The following SELENOS variants were observed in gnomAD, a reference collection of about 807,000 sequenced individuals.
SELENOS encodes VCP interacting membrane selenoprotein.
In SELENOS, 37 loss-of-function variants were observed where a neutral mutation model predicts 30.2. The ratio of observed to expected loss-of-function variants is 1.23; its 90% CI spans 0.94 to 1.61. The LOEUF is 1.61. SELENOS is among the 40% of genes most tolerant of loss of function. SELENOS has a pLI of 0.00. For missense variants in SELENOS, 289 were observed against 231.8 expected, an observed-to-expected ratio of 1.25 and a Z score of -1.60; for synonymous variants, 119 against 91.6, an observed-to-expected ratio of 1.30 and a Z score of -1.71.
intron 2 of SELENOS, 26 bp from the exon 3 acceptor site, chr15:101,275,387 T>C (rs1311592871): frequency 5.9e-6 from 9 of 1,527,726 alleles, no homozygotes; most frequent in Non-Finnish European, 7.1e-6. Context: ...AAAATGGAGA[T>C]AAAGCACTGT....
At chr15:101,276,921 CA>C in intron 1 of SELENOS, 1 of 539,638 alleles carries the variant, frequency 1.9e-6, no homozygotes, top group Non-Finnish European at 3.3e-6. Flanking sequence ...GAGGGCACAG[CA>C]ACTGGGTTTT....
intron 1 of SELENOS, 81 bp downstream of exon 1, chr15:101,277,261 T>C: frequency 1.3e-6 from 2 of 1,520,626 alleles, no homozygotes; most frequent in South Asian, 1.2e-5. Flanking sequence ...CGGCGCCCGG[T>C]GCAGCGGCGG....
chr15:101,274,375 G>C, intron 5 of SELENOS, 45 bp downstream of exon 5: 9 of 1,555,150 alleles, frequency 5.8e-6, no homozygotes, highest in Non-Finnish European at 7.9e-6. Context: ...ACTATATCCT[G>C]TAAGTGTTGA....
chr15:101,277,054 G>A (rs1469805726), intron 1 of SELENOS: 1 of 616,746 alleles, frequency 1.6e-6, no homozygotes, highest in Admixed American at 2.5e-5. Flanking sequence ...GGTCCCAGAG[G>A]CAAACGCCAA....
chr15:101,277,017 G>A (rs950393079), intron 1 of SELENOS: 2 of 552,372 alleles, frequency 3.6e-6, no homozygotes, highest in Admixed American at 3.2e-5. Flanking sequence ...CGGGGAGTCA[G>A]GAGTGTGTAT....
chr15:101,275,135 T>C lies in SELENOS; in HGVS notation c.318+120A>G, dbSNP rs2039309432. On this transcript the variant is annotated intron_variant, in intron 3 of 5. Transcript: ENST00000526049. ...ACATGGTAGGAACTGAAATGCTTAT[T>C]GAATCTAATGGGATAGGACCTGGTC... 1.1e-5 allele frequency: 9 copies of C among 786,148 alleles called. No homozygotes were observed. The South Asian group carries it at 1.6e-4, about 14-fold the overall frequency. The allele number at this position is 786,148 out of a possible 1,614,324, so 48.7% of individuals were successfully genotyped here. A position where few individuals can be genotyped will look rare whatever the true frequency, so the allele number is the denominator to read the frequency against.
Position 101,276,518 on chromosome 15 carries a change from C to T in SELENOS, c.211+23G>A, listed in dbSNP as rs761167689. The T allele has an allele frequency of 6.3e-6, 10 of 1,578,146 alleles. No individual in the cohort carries two copies. The East Asian group carries it at 6.8e-5, about 11-fold the overall frequency. ...AAAGGAGGTGCAAAACCACCGCTTT[C>T]ATTTCGGTTATCAGGCACTAACCCA... On this transcript the variant is annotated intron_variant, in intron 2 of 5. Transcript: ENST00000526049.
At chr15:101,276,214 C>T (rs1490183158) in intron 2 of SELENOS, among the ~76,000 whole-genome samples, 2 of 115,122 alleles carry the variant, frequency 1.7e-5, no homozygotes, top group African/African-American at 6.8e-5. Flanking sequence ...TGAGCCACCG[C>T]GCCCCACCGA....
At position 101,277,343 on chromosome 15, in the gene SELENOS, C is replaced by G. The variant is rs1567120689; in HGVS notation, c.75G>C (p.Thr25=). ...CCCGGCTGCCCCGCAACGACTCACCCGTGGTGTGCAGGAAGCGCAGCCCCT... is the reference window on the plus strand; with the variant it reads ...CCCGGCTGCCCCGCAACGACTCACCGGTGGTGTGCAGGAAGCGCAGCCCCT... ...ETEGLRFLHT[T]VGSLLATYGW... is the part of the protein sequence containing the mutation. Residue 25 remains threonine, a splice_region_variant and synonymous_variant, in exon 1 of 6, where the codon ACG becomes ACC. Coordinates refer to ENST00000526049, the MANE Select transcript of SELENOS (RefSeq NM_018445.6). 4 of 1,516,386 alleles carry G rather than the reference C, an allele frequency of 2.6e-6. No individual in the cohort carries two copies. Among genetic ancestry groups the G allele is most frequent in the Admixed American group, 2.0e-5 (1 of 48,966 alleles). The allele number at this position is 1,516,386 out of a possible 1,614,324, so 93.9% of individuals were successfully genotyped here.
intron 2 of SELENOS, among the ~76,000 whole-genome samples, chr15:101,276,103 A>G (rs901871739): frequency 2.0e-4 from 31 of 151,810 alleles, no homozygotes; most frequent in African/African-American, 7.5e-4. Context: ...TTGTATTTTT[A>G]GTAGAGACAG....
chr15:101,272,560 T>A lies in SELENOS; in HGVS notation c.*211A>T. On this transcript the variant is annotated 3_prime_UTR_variant, in exon 6 of 6. Coordinates refer to ENST00000526049, the MANE Select transcript of SELENOS (RefSeq NM_018445.6). ...ATGAAATCAATGAATGCAATCACTG[T>A]CTCCAAGTAGAATGTGACCAATGAC... 1.9e-6 allele frequency: 1 copy of A among 514,252 alleles called. No individual in the cohort carries two copies. The highest frequency in any genetic ancestry group is 3.5e-5 in the Admixed American group (1 of 28,782). The allele number at this position is 514,252 out of a possible 1,614,324, so 31.9% of individuals were successfully genotyped here.
At chr15:101,275,158 G>T in intron 3 of SELENOS, 97 bp downstream of exon 3, 1 of 1,034,166 alleles carries the variant, frequency 9.7e-7, no homozygotes. Context: ...ATAGGACCTG[G>T]TCCTAGAAGC....
At chr15:101,274,362 G>A (rs946136469) in intron 5 of SELENOS, 58 bp downstream of exon 5, 21 of 1,519,648 alleles carry the variant, frequency 1.4e-5, no homozygotes, top group Admixed American at 5.8e-5. Flanking sequence ...TTCCTAAAAG[G>A]TAACTATATC....
At position 101,272,647 on chromosome 15, in the gene SELENOS, A is replaced by G. The variant is rs190258202; in HGVS notation, c.*124T>C. ...CTGGAGCCCTGACATATGCAGGTGT[A>G]GTTAGGAACAGAAATCAACCCCACC... On this transcript the variant is annotated 3_prime_UTR_variant, in exon 6 of 6. Coordinates refer to ENST00000526049, the MANE Select transcript of SELENOS (RefSeq NM_018445.6). 7 of 939,880 alleles carry G rather than the reference A, an allele frequency of 7.4e-6. No individual in the cohort carries two copies. Among genetic ancestry groups the G allele is most frequent in the Non-Finnish European group, 1.6e-6 (1 of 606,756 alleles). 58.2% of individuals were successfully genotyped at this position (939,880 alleles called of 1,614,324 possible). A position where few individuals can be genotyped will look rare whatever the true frequency, so the allele number is the denominator to read the frequency against.
Position 101,272,682 on chromosome 15 carries a change from C to G in SELENOS, c.*89G>C. On this transcript the variant is annotated 3_prime_UTR_variant, in exon 6 of 6. Transcript: ENST00000526049. ...AGAAATCAACCCCACCTCCCCTTGG[C>G]TAGTCACTGTGAAAAGCGTGCGTAA... 1 of 1,362,044 alleles carries G rather than the reference C, an allele frequency of 7.3e-7. No individual in the cohort carries two copies. The highest frequency in any genetic ancestry group is 2.0e-5 in the Admixed American group (1 of 50,134). The allele number at this position is 1,362,044 out of a possible 1,614,324, so 84.4% of individuals were successfully genotyped here.
At chr15:101,275,223 A>T in intron 3 of SELENOS, 32 bp downstream of exon 3, 2 of 1,509,902 alleles carry the variant, frequency 1.3e-6, no homozygotes, top group South Asian at 2.6e-5. Context: ...GACAATTTCT[A>T]TGCACACATT....
At position 101,272,648 on chromosome 15, in the gene SELENOS, G is replaced by T; in HGVS notation, c.*123C>A. 2.0e-6 allele frequency: 2 copies of T among 994,802 alleles called. No individual in the cohort carries two copies. Among genetic ancestry groups the T allele is most frequent in the Non-Finnish European group, 3.0e-6 (2 of 655,822 alleles). 61.6% of individuals were successfully genotyped at this position (994,802 alleles called of 1,614,324 possible). On this transcript the variant is annotated 3_prime_UTR_variant, in exon 6 of 6. Coordinates refer to ENST00000526049, the MANE Select transcript of SELENOS (RefSeq NM_018445.6). ...TGGAGCCCTGACATATGCAGGTGTAGTTAGGAACAGAAATCAACCCCACCT... is the reference window on the plus strand; with the variant it reads ...TGGAGCCCTGACATATGCAGGTGTATTTAGGAACAGAAATCAACCCCACCT...
intron 4 of SELENOS, 32 bp downstream of exon 4, chr15:101,274,560 C>A: frequency 6.2e-7 from 1 of 1,611,152 alleles, no homozygotes; most frequent in Non-Finnish European, 8.5e-7. Flanking sequence ...TCTTCATCTA[C>A]CGCATGCCAG....
In SELENOS at chr15:101,272,788, A is replaced by G. The variant is rs769453745; in HGVS notation, c.553T>C (p.Ser185Pro). 23 of 1,609,650 alleles carry G rather than the reference A, an allele frequency of 1.4e-5. No individual in the cohort carries two copies. Among genetic ancestry groups the G allele is most frequent in the Non-Finnish European group, 2.0e-5 (23 of 1,178,070 alleles). ...CAAGATTCTTAGCCTCATCCGCCAG[A>G]TGACGGGCCTCTGCGTCCAGGTCTC... The part of the protein sequence containing the change: ...SWRPGRRGPS[S>P]GGUG Residue 185 changes from serine to proline, a missense_variant, in exon 6 of 6, where the codon TCT becomes CCT. Physicochemically the swap from Ser to Pro is moderately conservative, Grantham distance 74 (BLOSUM62 -1). Transcript: ENST00000526049.
Sources: gnomAD v4.1 joint callset for allele counts (sites outside exome capture counted in the v4.1 genomes callset) on GRCh38, gnomAD v4.1.1 for gene constraint, MANE v1.5 for transcripts, NCBI Gene and HGNC (gene_info 2026-07-23, HGNC 2026-07-21) for gene names.